The following DIP2C variants were observed in gnomAD, a reference collection of about 807,000 sequenced individuals.
DIP2C encodes the protein disco-interacting protein 2 homolog C.
In DIP2C, 33 loss-of-function variants were observed where a neutral mutation model predicts 192.4. That is an observed-to-expected ratio of 0.17 (90% CI 0.13 to 0.23). The LOEUF is 0.23. Ranked by LOEUF, DIP2C falls within the 10% of genes least tolerant of loss-of-function variation. DIP2C has a pLI of 1.00. For synonymous variants in DIP2C, 979 were observed against 864.1 expected, an observed-to-expected ratio of 1.13 and a Z score of -2.33; for missense variants, 1,537 against 2,110.1, an observed-to-expected ratio of 0.73 and a Z score of 5.32.
intron 1 of DIP2C, among the ~76,000 whole-genome samples, chr10:589,962 A>G (rs1262759427): frequency 6.6e-5 from 10 of 152,244 alleles, no homozygotes; most frequent in Admixed American, 6.5e-4. Flanking sequence ...AGTTACATAA[A>G]TCACCGTATC....
intron 36 of DIP2C, among the ~76,000 whole-genome samples, chr10:279,004 T>C (rs1954670054): frequency 6.6e-6 from 1 of 152,168 alleles, no homozygotes; most frequent in Non-Finnish European, 1.5e-5. Context: ...CTCACTATTG[T>C]TCTAAGTGGG....
chr10:423,080 GCAC>G (rs1185195085), intron 4 of DIP2C, 47 bp from the exon 5 acceptor site: 2 of 1,515,654 alleles, frequency 1.3e-6, no homozygotes, highest in Admixed American at 3.9e-5. Context: ...GCAAAAACGT[GCAC>G]CACAATCTCA....
At chr10:581,331 A>C (rs1204311718) in intron 1 of DIP2C, among the ~76,000 whole-genome samples, 1 of 152,064 alleles carries the variant, frequency 6.6e-6, no homozygotes, top group African/African-American at 2.4e-5. Context: ...TATGATGGTC[A>C]AACAGTGGCC....
At chr10:667,018 G>A (rs1056338306) in intron 1 of DIP2C, 9 of 152,282 alleles carry the variant, frequency 5.9e-5, no homozygotes, top group African/African-American at 1.7e-4. Context: ...GCTCTGACCT[G>A]GAAAAATGAA....
intron 34 of DIP2C, 42 bp downstream of exon 34, chr10:286,231 T>C (rs1367249192): frequency 1.9e-6 from 3 of 1,598,458 alleles, no homozygotes; most frequent in Admixed American, 1.7e-5. Context: ...CAAGGATACA[T>C]AACAGAAAAG....
At chr10:469,691 G>C (rs1043570719) in intron 3 of DIP2C, among the ~76,000 whole-genome samples, 2 of 152,124 alleles carry the variant, frequency 1.3e-5, no homozygotes, top group African/African-American at 4.8e-5. Flanking sequence ...TTCAGCCCAT[G>C]CTCCATGCTG....
intron 31 of DIP2C, among the ~76,000 whole-genome samples, chr10:320,166 T>A (rs1272667542): frequency 2.0e-5 from 3 of 152,190 alleles, no homozygotes; most frequent in African/African-American, 7.2e-5. Flanking sequence ...GCCAAGTCAT[T>A]TTCCACGGGA....
At chr10:569,866 A>AT in intron 1 of DIP2C, among the ~76,000 whole-genome samples, 1 of 152,266 alleles carries the variant, frequency 6.6e-6, no homozygotes, top group Non-Finnish European at 1.5e-5. Flanking sequence ...CTGACTTAAA[A>AT]TTTTGAAGCC....
chr10:288,293 T>A lies in DIP2C; in HGVS notation c.4044+71A>T, dbSNP rs965713009. On this transcript the variant is annotated intron_variant, in intron 33 of 36. Transcript: ENST00000280886. ...AAAACATTCTAAAAAATACATTTCC[T>A]AAAATTTCAAAGCCCATACAGTCAG... 4 of 1,415,526 alleles carry A rather than the reference T, an allele frequency of 2.8e-6. No homozygotes were observed. In the African/African-American group the frequency reaches 5.8e-5, roughly 21 times the overall value. 87.7% of individuals were successfully genotyped at this position (1,415,526 alleles called of 1,614,324 possible). A position where few individuals can be genotyped will look rare whatever the true frequency, so the allele number is the denominator to read the frequency against.
chr10:467,470 A>G (rs1161585545), intron 3 of DIP2C, among the ~76,000 whole-genome samples: 1 of 150,458 alleles, frequency 6.6e-6, no homozygotes, highest in African/African-American at 2.4e-5. Flanking sequence ...AGCATGGCAT[A>G]TGTATACATA....
intron 1 of DIP2C, among the ~76,000 whole-genome samples, chr10:512,716 C>G (rs1846094499): frequency 6.6e-6 from 1 of 152,086 alleles, no homozygotes; most frequent in Non-Finnish European, 1.5e-5. Flanking sequence ...GAGTTTGAGA[C>G]CAGCCTGGCC....
chr10:352,446 TCCA>T (rs1958866617), intron 24 of DIP2C, among the ~76,000 whole-genome samples: 1 of 152,234 alleles, frequency 6.6e-6, no homozygotes, highest in African/African-American at 2.4e-5. Context: ...CCAGGCACGC[TCCA>T]CGAGGACGGT....
chr10:422,503 G>A (rs765011618), intron 5 of DIP2C, among the ~76,000 whole-genome samples: 30 of 152,272 alleles, frequency 2.0e-4, no homozygotes, highest in Non-Finnish European at 3.7e-4. Flanking sequence ...CGGTCAGGAC[G>A]AGCACATTTA....
chr10:580,470 G>A (rs1176477975), intron 1 of DIP2C, among the ~76,000 whole-genome samples: 1 of 152,162 alleles, frequency 6.6e-6, no homozygotes, highest in Non-Finnish European at 1.5e-5. Flanking sequence ...CACATATGCA[G>A]TACAGATACA....
chr10:297,111 T>C (rs531643760), intron 32 of DIP2C, among the ~76,000 whole-genome samples: 7 of 151,988 alleles, frequency 4.6e-5, no homozygotes, highest in African/African-American at 1.4e-4. Context: ...GGAGAATCAC[T>C]TGAACCGGGG....
chr10:336,646 A>G (rs894572042), intron 29 of DIP2C, among the ~76,000 whole-genome samples: 1 of 152,020 alleles, frequency 6.6e-6, no homozygotes, highest in African/African-American at 2.4e-5. Flanking sequence ...TACTTATAAA[A>G]AAGAAAGTAA....
intron 1 of DIP2C, among the ~76,000 whole-genome samples, chr10:512,653 C>T (rs1846089966): frequency 6.6e-6 from 1 of 152,036 alleles, no homozygotes; most frequent in East Asian, 1.9e-4. Context: ...GTGGCTCACG[C>T]CTGGAATCCC....
chr10:549,611 A>C (rs1848483878), intron 1 of DIP2C, among the ~76,000 whole-genome samples: 1 of 152,126 alleles, frequency 6.6e-6, no homozygotes, highest in African/African-American at 2.4e-5. Flanking sequence ...TGGTGGCTTC[A>C]GAGGGGAGGG....
chr10:315,128 TGAA>T (rs1476006405), intron 31 of DIP2C, among the ~76,000 whole-genome samples: 1 of 152,236 alleles, frequency 6.6e-6, no homozygotes, highest in Non-Finnish European at 1.5e-5. Flanking sequence ...GCTATGAAAA[TGAA>T]GATTCTTGCA....
Sources: gnomAD v4.1 joint callset for allele counts (sites outside exome capture counted in the v4.1 genomes callset) on GRCh38, gnomAD v4.1.1 for gene constraint, MANE v1.5 for transcripts, NCBI Gene and HGNC (gene_info 2026-07-23, HGNC 2026-07-21) for gene names.